The following DPP6 variants were observed in gnomAD, a reference collection of about 807,000 sequenced individuals.
The protein encoded by DPP6 is dipeptidyl peptidase like 6.
Under a neutral mutation model 122.6 loss-of-function variants are expected in DPP6, and 69 were observed. The observed-to-expected ratio is 0.56, with a 90% CI of 0.46 to 0.69. DPP6 has a LOEUF of 0.69. DPP6 is among the 30% of genes least tolerant of loss of function. The pLI is 0.00. For missense variants in DPP6, 928 were observed against 1,116.9 expected (o/e 0.83, Z 2.41); for synonymous variants, 418 against 433.1 (o/e 0.97, Z 0.43).
At chr7:154,867,363 C>T (rs969649915) in intron 17 of DPP6, among the ~76,000 whole-genome samples, 1 of 152,182 alleles carries the variant, frequency 6.6e-6, no homozygotes, top group South Asian at 2.1e-4. Flanking sequence ...AGGTCCAGCG[C>T]ATCCACACCA....
chr7:154,827,662 A>AG (rs1454219976), intron 16 of DPP6, among the ~76,000 whole-genome samples: 1 of 89,028 alleles, frequency 1.1e-5, no homozygotes, highest in Non-Finnish European at 2.2e-5. Flanking sequence ...GACGGCTGGC[A>AG]GGGGGGTGGT....
chr7:154,497,090 A>C (rs1824809359), intron 3 of DPP6, among the ~76,000 whole-genome samples: 1 of 152,176 alleles, frequency 6.6e-6, no homozygotes. Flanking sequence ...AGGTTAAAAT[A>C]GCCCAGTGGT....
chr7:154,060,719 G>A (rs866578132), intron 1 of DPP6, among the ~76,000 whole-genome samples: 400 of 120,978 alleles, frequency 3.3e-3, no homozygotes, highest in East Asian at 8.6e-3. Flanking sequence ...CATCGCAGGG[G>A]GGGAGGCACC....
intron 1 of DPP6, among the ~76,000 whole-genome samples, chr7:154,393,611 T>C (rs1371061637): frequency 6.6e-6 from 1 of 152,010 alleles, no homozygotes; most frequent in African/African-American, 2.4e-5. Context: ...TATTGACTAC[T>C]TTTTTCTCCA....
intron 5 of DPP6, among the ~76,000 whole-genome samples, chr7:154,586,523 T>C (rs1832461226): frequency 6.6e-6 from 1 of 152,102 alleles, no homozygotes; most frequent in Admixed American, 6.5e-5. Context: ...GGCCTTTCTC[T>C]TCCCCACTGT....
At chr7:154,605,021 T>C in intron 5 of DPP6, among the ~76,000 whole-genome samples, 1 of 13,618 alleles carries the variant, frequency 7.3e-5, no homozygotes, top group African/African-American at 8.1e-5. Flanking sequence ...CTTTGGTATC[T>C]CTTTTTTTTT....
chr7:153,948,204 T>C (rs556089356), intron 1 of DPP6, among the ~76,000 whole-genome samples: 4 of 152,222 alleles, frequency 2.6e-5, no homozygotes, highest in Non-Finnish European at 4.4e-5. Flanking sequence ...TATTTACTTT[T>C]AAAAAATAAA....
At chr7:154,356,814 C>A (rs1364790681) in intron 1 of DPP6, among the ~76,000 whole-genome samples, 1 of 151,894 alleles carries the variant, frequency 6.6e-6, no homozygotes, top group Non-Finnish European at 1.5e-5. Flanking sequence ...ATGCAGACTG[C>A]ATGAAATAAA....
intron 1 of DPP6, among the ~76,000 whole-genome samples, chr7:153,958,446 C>T (rs2531117): frequency 9.2e-5 from 14 of 152,220 alleles, no homozygotes; most frequent in African/African-American, 2.2e-4. Flanking sequence ...CTCAGTCACT[C>T]GACCATGCCC....
At chr7:154,405,627 G>A (rs1470676538) in intron 1 of DPP6, among the ~76,000 whole-genome samples, 4 of 151,978 alleles carry the variant, frequency 2.6e-5, no homozygotes, top group African/African-American at 9.7e-5. Flanking sequence ...CAGTGCAGTG[G>A]CTGAACAGGG....
chr7:154,167,681 G>A (rs371954876), intron 1 of DPP6, among the ~76,000 whole-genome samples: 3 of 152,186 alleles, frequency 2.0e-5, no homozygotes, highest in Non-Finnish European at 2.9e-5. Context: ...TTTTGAGCCC[G>A]ACATTCACGT....
intron 7 of DPP6, among the ~76,000 whole-genome samples, chr7:154,689,798 A>G (rs1287754800): frequency 1.8e-4 from 27 of 152,224 alleles, no homozygotes; most frequent in Non-Finnish European, 5.9e-5. Context: ...TGTTTTACTG[A>G]AAGTCTCTGG....
chr7:154,876,135 A>C (rs1426505441), intron 20 of DPP6, 35 bp downstream of exon 20: 1 of 1,535,482 alleles, frequency 6.5e-7, no homozygotes, highest in Admixed American at 1.9e-5. Flanking sequence ...AGAGGCCGGG[A>C]GGGGACGGGG....
At chr7:154,042,332 A>C (rs576522473) in intron 1 of DPP6, among the ~76,000 whole-genome samples, 22 of 152,332 alleles carry the variant, frequency 1.4e-4, no homozygotes, top group African/African-American at 5.3e-4. Flanking sequence ...GCACGGGGGC[A>C]ACCAATGAAA....
At position 154,474,935 on chromosome 7, in the gene DPP6, C is replaced by G. The variant is rs1447533640; in HGVS notation, c.359-4C>G. ...TTAACTCTTTGCTTTTTATTTTTTT[C>G]TAGCGGAAGATAATAGTCTGTCTCA... On this transcript the variant is annotated splice_region_variant and splice_polypyrimidine_tract_variant and intron_variant, in intron 2 of 25. Coordinates refer to ENST00000377770, the MANE Select transcript of DPP6 (RefSeq NM_130797.4). 3.7e-6 allele frequency: 6 copies of G among 1,608,104 alleles called. No individual in the cohort carries two copies. Among genetic ancestry groups the G allele is most frequent in the Non-Finnish European group, 4.3e-6 (5 of 1,176,124 alleles).
chr7:153,848,756 G>T, the DPP6 span, among the ~76,000 whole-genome samples: 1 of 152,082 alleles, frequency 6.6e-6, no homozygotes, highest in Non-Finnish European at 1.5e-5. Context: ...TGTTTTATGT[G>T]TTGTTATATC....
chr7:154,251,930 A>G (rs1345222991), intron 1 of DPP6, among the ~76,000 whole-genome samples: 1 of 152,196 alleles, frequency 6.6e-6, no homozygotes. Flanking sequence ...ACCAGAAACA[A>G]TACTTTGCAT....
At chr7:154,881,603 AG>A (rs1207188685) in intron 21 of DPP6, among the ~76,000 whole-genome samples, 2 of 152,198 alleles carry the variant, frequency 1.3e-5, no homozygotes, top group Non-Finnish European at 2.9e-5. Flanking sequence ...AGTGACCCTC[AG>A]CACAGGCCCT....
intron 3 of DPP6, 43 bp from the exon 4 acceptor site, chr7:154,540,489 C>T: frequency 1.6e-6 from 2 of 1,234,888 alleles, no homozygotes; most frequent in Middle Eastern, 1.9e-4. Context: ...GAGGAGAGTT[C>T]CTTGATGTTT....
Sources: gnomAD v4.1 joint callset for allele counts (sites outside exome capture counted in the v4.1 genomes callset) on GRCh38, gnomAD v4.1.1 for gene constraint, MANE v1.5 for transcripts, NCBI Gene and HGNC (gene_info 2026-07-23, HGNC 2026-07-21) for gene names.